The following REDIC1 variants were observed in gnomAD, a reference collection of about 807,000 sequenced individuals.
REDIC1 encodes the protein HEI10 Interacting Protein 1.
At chr12:39,636,153 A>T in the REDIC1 span, among the ~76,000 whole-genome samples, 1,290 of 152,106 alleles carry the variant, frequency 8.5e-3, 15 homozygotes, top group African/African-American at 0.03. Flanking sequence ...GTGACTCGGG[A>T]AATGGCTGTT....
chr12:39,789,440 T>C, the REDIC1 span, among the ~76,000 whole-genome samples: 1 of 152,190 alleles, frequency 6.6e-6, no homozygotes, highest in Non-Finnish European at 1.5e-5. Flanking sequence ...AGTTTATCCC[T>C]GATGTATACA....
the REDIC1 span, chr12:39,716,939 A>G: frequency 4.3e-6 from 3 of 693,644 alleles, no homozygotes; most frequent in Non-Finnish European, 6.3e-6. Flanking sequence ...AGTCAATTAA[A>G]TAGTGGAAGT....
At chr12:39,732,001 G>C in the REDIC1 span, among the ~76,000 whole-genome samples, 24 of 152,114 alleles carry the variant, frequency 1.6e-4, no homozygotes, top group Admixed American at 1.6e-3. Flanking sequence ...CCCTTTCATG[G>C]GTCCTGTTCC....
At chr12:39,873,226 T>C in the REDIC1 span, among the ~76,000 whole-genome samples, 1 of 152,188 alleles carries the variant, frequency 6.6e-6, no homozygotes, top group Non-Finnish European at 1.5e-5. Flanking sequence ...ACTAAAAAGC[T>C]GCCAACCATT....
the REDIC1 span, among the ~76,000 whole-genome samples, chr12:39,715,838 A>T: frequency 6.6e-6 from 1 of 151,936 alleles, no homozygotes. Flanking sequence ...AATGAACCTT[A>T]TTGGGGTGAA....
chr12:39,772,636 G>A, the REDIC1 span, among the ~76,000 whole-genome samples: 19 of 152,098 alleles, frequency 1.2e-4, no homozygotes. Flanking sequence ...AAAAAAGAAA[G>A]GCAGGCAGGT....
At chr12:39,652,766 T>G in the REDIC1 span, among the ~76,000 whole-genome samples, 1 of 152,138 alleles carries the variant, frequency 6.6e-6, no homozygotes, top group Non-Finnish European at 1.5e-5. Flanking sequence ...GGTAAGGGTC[T>G]GAATCCATTA....
the REDIC1 span, among the ~76,000 whole-genome samples, chr12:39,747,743 A>C: frequency 6.6e-6 from 1 of 152,220 alleles, no homozygotes. Context: ...CAGAAACTCT[A>C]CAAGCCAGAA....
At chr12:39,843,423 G>C in the REDIC1 span, among the ~76,000 whole-genome samples, 4 of 151,870 alleles carry the variant, frequency 2.6e-5, no homozygotes, top group Non-Finnish European at 5.9e-5. Context: ...ATTTTATATG[G>C]CCTTTTGCAG....
chr12:39,878,427 T>A, the REDIC1 span, among the ~76,000 whole-genome samples: 10 of 152,300 alleles, frequency 6.6e-5, 1 homozygote, highest in Admixed American at 4.6e-4. Flanking sequence ...ACTGCTGAGG[T>A]CTCAGGTAGA....
At chr12:39,664,119 C>T in the REDIC1 span, among the ~76,000 whole-genome samples, 2 of 151,632 alleles carry the variant, frequency 1.3e-5, no homozygotes, top group Non-Finnish European at 1.5e-5. Flanking sequence ...TACATGTGCA[C>T]AATGTGCAGG....
the REDIC1 span, among the ~76,000 whole-genome samples, chr12:39,763,735 T>C: frequency 2.6e-5 from 4 of 152,142 alleles, no homozygotes; most frequent in African/African-American, 9.6e-5. Context: ...TACTTCATCA[T>C]GAATAATCCT....
chr12:39,898,394 G>C, the REDIC1 span, among the ~76,000 whole-genome samples: 1 of 152,120 alleles, frequency 6.6e-6, no homozygotes, highest in Non-Finnish European at 1.5e-5. Flanking sequence ...TCTCATGCTA[G>C]AAAATCCTTG....
At chr12:39,712,017 T>TGTGTATATATAC in the REDIC1 span, among the ~76,000 whole-genome samples, 1 of 39,164 alleles carries the variant, frequency 2.6e-5, no homozygotes, top group Non-Finnish European at 7.2e-5. Flanking sequence ...TACCTACCTG[T>TGTGTATATATAC]ATGTATATAT....
At chr12:39,676,218 G>GA in the REDIC1 span, among the ~76,000 whole-genome samples, 1 of 151,666 alleles carries the variant, frequency 6.6e-6, no homozygotes, top group South Asian at 2.1e-4. Flanking sequence ...AGATATGGAT[G>GA]AAAAGGTCTT....
At chr12:39,779,002 C>T in the REDIC1 span, among the ~76,000 whole-genome samples, 2 of 152,054 alleles carry the variant, frequency 1.3e-5, no homozygotes, top group African/African-American at 4.8e-5. Flanking sequence ...GGAGTCAGAA[C>T]CAGGACGTAG....
At chr12:39,665,865 C>T in the REDIC1 span, among the ~76,000 whole-genome samples, 1 of 151,582 alleles carries the variant, frequency 6.6e-6, no homozygotes, top group Non-Finnish European at 1.5e-5. Flanking sequence ...CATGATTTGG[C>T]TCTGTTTGTC....
At chr12:39,726,154 CT>C in the REDIC1 span, among the ~76,000 whole-genome samples, 1 of 151,404 alleles carries the variant, frequency 6.6e-6, no homozygotes, top group East Asian at 2.0e-4. Context: ...TCTTCCTCCT[CT>C]TCTTCTTCTT....
chr12:39,801,303 C>T, the REDIC1 span, among the ~76,000 whole-genome samples: 3 of 136,474 alleles, frequency 2.2e-5, no homozygotes, highest in African/African-American at 8.2e-5. Flanking sequence ...TAGTGTTTCA[C>T]TTGATAAATA....
Sources: allele counts gnomAD v4.1 joint callset (sites outside exome capture counted in the v4.1 genomes callset), GRCh38; gene constraint gnomAD v4.1.1; transcripts MANE v1.5; gene names NCBI Gene and HGNC (gene_info 2026-07-23, HGNC 2026-07-21).